The following MAPK10 variants were observed in gnomAD, a reference collection of about 807,000 sequenced individuals.
The protein encoded by MAPK10 is JNK3 alpha protein kinase.
Under a neutral mutation model 59.3 loss-of-function variants are expected in MAPK10, and 25 were observed. The observed-to-expected ratio is 0.42, with a 90% CI of 0.31 to 0.59. MAPK10 has a LOEUF of 0.59. Ranked by LOEUF, MAPK10 falls within the 20% of genes least tolerant of loss-of-function variation. The pLI is 0.15. For missense variants in MAPK10, 351 were observed against 568.9 expected, an observed-to-expected ratio of 0.62 and a Z score of 3.90; for synonymous variants, 190 against 200.5, an observed-to-expected ratio of 0.95 and a Z score of 0.44.
chr4:86,031,385 G>T lies in MAPK10; in HGVS notation c.1157C>A (p.Thr386Lys), dbSNP rs947927165. 1 of 1,611,510 alleles carries T rather than the reference G, an allele frequency of 6.2e-7. No homozygotes were observed. Among genetic ancestry groups the T allele is most frequent in the South Asian group, 1.1e-5 (1 of 91,024 alleles). ...AGACTTACCTTTCCATTCTTCAATT[G>T]TGTGTTCTCTTTCATCCAACTGCTT... ...YDKQLDEREH[T>K]IEEWKELIYK... Residue 386 changes from threonine to lysine, a missense_variant, in exon 12 of 14, where the codon ACA (threonine) becomes AAA (lysine). Transcript: ENST00000641462.
intron 1 of MAPK10, among the ~76,000 whole-genome samples, chr4:86,529,242 T>C (rs1757691493): frequency 6.6e-6 from 1 of 152,210 alleles, no homozygotes; most frequent in African/African-American, 2.4e-5. Context: ...CTTTGGCAGA[T>C]GCAGGCTTGG....
At chr4:86,339,856 T>A (rs934051891) in intron 2 of MAPK10, among the ~76,000 whole-genome samples, 1 of 152,248 alleles carries the variant, frequency 6.6e-6, no homozygotes, top group African/African-American at 2.4e-5. Context: ...TAAAAAATGA[T>A]AGCTAATATT....
intron 1 of MAPK10, among the ~76,000 whole-genome samples, chr4:86,544,175 T>G (rs1397964680): frequency 6.6e-6 from 1 of 152,182 alleles, no homozygotes; most frequent in African/African-American, 2.4e-5. Flanking sequence ...TAAGTCATTA[T>G]TCTTAACCCA....
At chr4:86,519,444 G>T (rs1335696098) in intron 1 of MAPK10, among the ~76,000 whole-genome samples, 2 of 152,094 alleles carry the variant, frequency 1.3e-5, no homozygotes, top group Non-Finnish European at 1.5e-5. Flanking sequence ...AGCTACTCCT[G>T]ATGACTTGTG....
At chr4:86,405,298 A>G (rs1282368863) in intron 1 of MAPK10, among the ~76,000 whole-genome samples, 1 of 152,212 alleles carries the variant, frequency 6.6e-6, no homozygotes, top group Non-Finnish European at 1.5e-5. Context: ...TGTTAAAACT[A>G]AAGGAATTTA....
intron 2 of MAPK10, among the ~76,000 whole-genome samples, chr4:86,234,954 A>C (rs1257766884): frequency 2.0e-5 from 3 of 152,200 alleles, no homozygotes; most frequent in Non-Finnish European, 4.4e-5. Context: ...GATTAGGAGA[A>C]AAGAGAAGAG....
chr4:86,357,557 T>C (rs1735144354), intron 1 of MAPK10: 1 of 152,190 alleles, frequency 6.6e-6, no homozygotes, highest in Admixed American at 6.6e-5. Flanking sequence ...GCATTGACAA[T>C]AAATTATCAG....
At chr4:86,529,778 G>T (rs1757730729) in intron 1 of MAPK10, among the ~76,000 whole-genome samples, 1 of 152,102 alleles carries the variant, frequency 6.6e-6, no homozygotes, top group Admixed American at 6.6e-5. Context: ...TCCAATTTCT[G>T]ATGACTCTAT....
chr4:86,126,097 A>G (rs1471114066), intron 4 of MAPK10, among the ~76,000 whole-genome samples: 2 of 152,088 alleles, frequency 1.3e-5, no homozygotes, highest in African/African-American at 4.8e-5. Context: ...AGTGTCTCTG[A>G]CTTTATGATT....
intron 2 of MAPK10, among the ~76,000 whole-genome samples, chr4:86,213,410 G>C (rs557111456): frequency 3.2e-4 from 49 of 152,118 alleles, no homozygotes; most frequent in Non-Finnish European, 6.0e-4. Flanking sequence ...TGTTGAAATC[G>C]AAAGTTTGTT....
At chr4:86,347,331 T>G (rs949590832) in intron 2 of MAPK10, among the ~76,000 whole-genome samples, 4 of 152,162 alleles carry the variant, frequency 2.6e-5, no homozygotes, top group African/African-American at 9.6e-5. Flanking sequence ...GAATTCTTTA[T>G]GAAGAACCTA....
In MAPK10 at chr4:86,282,568, A is replaced by G. The variant is rs544955935; in HGVS notation, c.-7+71962T>C. 8.8e-4 allele frequency among the ~76,000 whole-genome samples: 134 copies of G among 152,342 alleles called. 7 individuals carry two copies. In the South Asian group the frequency reaches 0.027, roughly 30 times the overall value. On this transcript the variant is annotated intron_variant, in intron 2 of 13. Coordinates refer to ENST00000641462, the MANE Select transcript of MAPK10 (RefSeq NM_138982.4). The stretch of plus-strand genomic sequence containing the variant: ...CAGAAAAGGAAACTTGTAAAGGTAA[A>G]TACAGATTTTGGAGGAAAACAAACA...
intron 1 of MAPK10, among the ~76,000 whole-genome samples, chr4:86,573,207 T>A (rs567848501): frequency 3.3e-5 from 5 of 152,210 alleles, no homozygotes; most frequent in Admixed American, 1.3e-4. Context: ...AAAGCTTTAC[T>A]ATCAAAGGTC....
intron 2 of MAPK10, chr4:86,219,800 A>C (rs1336631347): frequency 6.6e-6 from 1 of 152,118 alleles, no homozygotes; most frequent in Non-Finnish European, 1.5e-5. Context: ...TCTTACATTC[A>C]AGTTGCTTTA....
intron 4 of MAPK10, among the ~76,000 whole-genome samples, chr4:86,148,903 A>C (rs1010275183): frequency 3.9e-5 from 6 of 152,236 alleles, no homozygotes; most frequent in African/African-American, 1.2e-4. Context: ...AGGAGGAAGA[A>C]CACTTTTAAA....
chr4:86,201,611 G>A (rs1318498869), intron 2 of MAPK10, among the ~76,000 whole-genome samples: 3 of 151,684 alleles, frequency 2.0e-5, no homozygotes, highest in East Asian at 1.9e-4. Flanking sequence ...TTAGAGACAC[G>A]CATTACAAAT....
rs192791878 is a variant in MAPK10 at position 86,431,997 on chromosome 4, C to G, written c.-122+21033G>C. 1.0e-3 allele frequency among the ~76,000 whole-genome samples: 157 copies of G among 152,250 alleles called. 1 individual carries two copies. The highest frequency in any genetic ancestry group is 2.8e-3 in the Admixed American group (43 of 15,294). On this transcript the variant is annotated intron_variant, in intron 1 of 13. Coordinates refer to the MAPK10 transcript ENST00000361569. Reference sequence around the variant, plus strand: ...TCTTTTATTAGGAAGGAATGCTGGTCAGATGTTTTGTTGAAATCCAAAAGG... The same window carrying G: ...TCTTTTATTAGGAAGGAATGCTGGTGAGATGTTTTGTTGAAATCCAAAAGG...
At chr4:86,358,484 G>C (rs925095267) in intron 1 of MAPK10, 9 of 498,896 alleles carry the variant, frequency 1.8e-5, no homozygotes, top group Non-Finnish European at 2.1e-5. Context: ...AGGCAGGGCT[G>C]CTGTACAGAC....
chr4:86,023,509 C>T (rs1339656415), intron 13 of MAPK10, among the ~76,000 whole-genome samples: 1 of 151,994 alleles, frequency 6.6e-6, no homozygotes, highest in African/African-American at 2.4e-5. Flanking sequence ...TTAATCTGTA[C>T]ATCAATTCGG....
Sources: allele counts gnomAD v4.1 joint callset (sites outside exome capture counted in the v4.1 genomes callset), GRCh38; gene constraint gnomAD v4.1.1; transcripts MANE v1.5; gene names NCBI Gene and HGNC (gene_info 2026-07-23, HGNC 2026-07-21).